The following UBR7 variants were observed in gnomAD, a reference collection of about 807,000 sequenced individuals.
The protein encoded by UBR7 is ubiquitin protein ligase E3 component n-recognin 7, also known as putative E3 ubiquitin-protein ligase UBR7.
UBR7 carries 22 observed loss-of-function variants against 57.0 expected under a neutral mutation model. The observed-to-expected ratio is 0.39, with a 90% CI of 0.28 to 0.55. The LOEUF (loss-of-function observed/expected upper bound fraction) is 0.55. Among genes scored for constraint, UBR7 ranks in the 20% least tolerant of loss-of-function variants. UBR7 has a pLI of 0.69. For missense variants in UBR7, 395 were observed against 513.2 expected, an observed-to-expected ratio of 0.77 and a Z score of 2.23; for synonymous variants, 167 against 179.8, an observed-to-expected ratio of 0.93 and a Z score of 0.57.
chr14:93,215,189 T>C lies in UBR7; in HGVS notation c.509T>C (p.Ile170Thr). 1 of 1,579,228 alleles carries C rather than the reference T, an allele frequency of 6.3e-7. No homozygotes were observed. Among genetic ancestry groups the C allele is most frequent in the Admixed American group, 1.8e-5 (1 of 54,170 alleles). Reference protein sequence around the residue: ...DWFHGRHLGAIPPESGDFQEM... With the variant: ...DWFHGRHLGATPPESGDFQEM... ...CTATATTCACAGCATCTTGGTGCCA[T>C]TCCCCCTGAGAGTGGGGATTTTCAG... The change falls in exon 6 of 11, where the codon ATT (isoleucine) becomes ACT (threonine). Residue 170 changes from isoleucine (I) to threonine (T), a missense_variant. Physicochemically the swap from Ile to Thr is moderately conservative, Grantham distance 89. Coordinates refer to ENST00000013070, the MANE Select transcript of UBR7 (RefSeq NM_175748.4).
At position 93,209,974 on chromosome 14, in the gene UBR7, G is replaced by A; in HGVS notation, c.284+17G>A. 1.2e-6 allele frequency: 2 copies of A among 1,613,274 alleles called. No homozygotes were observed. Among genetic ancestry groups the A allele is most frequent in the South Asian group, 2.2e-5 (2 of 91,040 alleles). On this transcript the variant is annotated intron_variant, in intron 2 of 10. Coordinates refer to ENST00000013070, the MANE Select transcript of UBR7 (RefSeq NM_175748.4). ...CACAAAAAGGTAAACATAGTCAAGA[G>A]ATTGTTACTAAATGCTTTTGAAGTA...
intron 2 of UBR7, among the ~76,000 whole-genome samples, chr14:93,210,287 G>A (rs1271454645): frequency 6.6e-6 from 1 of 152,192 alleles, no homozygotes; most frequent in African/African-American, 2.4e-5. Context: ...GTTTCACCGA[G>A]TTAGCCAGGA....
At chr14:93,226,564 G>A (rs1162825185) in intron 10 of UBR7, among the ~76,000 whole-genome samples, 1 of 152,208 alleles carries the variant, frequency 6.6e-6, no homozygotes, top group African/African-American at 2.4e-5. Context: ...GCCGAGGCAG[G>A]CGGATCATGA....
intron 10 of UBR7, among the ~76,000 whole-genome samples, chr14:93,226,499 G>A (rs911661401): frequency 6.6e-6 from 1 of 152,084 alleles, no homozygotes; most frequent in Non-Finnish European, 1.5e-5. Context: ...TTAAAAATTA[G>A]CCAGGCGTAG....
intron 3 of UBR7, among the ~76,000 whole-genome samples, chr14:93,210,923 G>C (rs976042631): frequency 6.6e-6 from 1 of 152,186 alleles, no homozygotes; most frequent in Admixed American, 6.5e-5. Context: ...AGGTTTGGGG[G>C]AGAGATGTAC....
chr14:93,228,649 C>T lies in UBR7; in HGVS notation c.*1614C>T, dbSNP rs1356937444. On this transcript the variant is annotated 3_prime_UTR_variant, in exon 11 of 11. Coordinates refer to ENST00000013070, the MANE Select transcript of UBR7 (RefSeq NM_175748.4). ...TGGTGAGCCCTGAGCTGGCCTTGTGCAGAGGGCTCCGTTCAAAGGCTCGGG... is the reference window on the plus strand; with the variant it reads ...TGGTGAGCCCTGAGCTGGCCTTGTGTAGAGGGCTCCGTTCAAAGGCTCGGG... The T allele has an allele frequency of 6.6e-6, 3 of 453,958 alleles. No individual in the cohort carries two copies. Among genetic ancestry groups the T allele is most frequent in the Non-Finnish European group, 1.3e-5 (3 of 226,788 alleles). 28.1% of individuals were successfully genotyped at this position (453,958 alleles called of 1,614,324 possible). A position where few individuals can be genotyped will look rare whatever the true frequency, so the allele number is the denominator to read the frequency against.
In UBR7 at chr14:93,216,273, T is replaced by C. The variant is rs1051594863; in HGVS notation, c.601+992T>C. Among the ~76,000 whole-genome samples, 10 of 152,312 alleles carry C rather than the reference T, an allele frequency of 6.6e-5. 1 individual carries two copies. The East Asian group carries it at 1.9e-3, about 29-fold the overall frequency. ...GTTGCCCAGGCTGGTCTTGAACTCC[T>C]GAGCTCAAGTGATCCACTCATCTTG... On this transcript the variant is annotated intron_variant, in intron 6 of 10. Transcript: ENST00000013070.
chr14:93,209,870 C>T lies in UBR7; in HGVS notation c.197C>T (p.Pro66Leu). The T allele has an allele frequency of 1.2e-6, 2 of 1,613,980 alleles. No homozygotes were observed. The highest frequency in any genetic ancestry group is 2.7e-5 in the African/African-American group (2 of 75,010). The part of the protein sequence containing the change: ...QALYACSTCT[P>L]EGEEPAGICL... ...CTATATGCCTGTAGTACCTGCACCCCAGAGGGAGAAGAACCAGCAGGAATT... is the reference window on the plus strand; with the variant it reads ...CTATATGCCTGTAGTACCTGCACCCTAGAGGGAGAAGAACCAGCAGGAATT... Residue 66 changes from proline to leucine, a missense_variant, in exon 2 of 11, where the codon CCA becomes CTA. Coordinates refer to ENST00000013070, the MANE Select transcript of UBR7 (RefSeq NM_175748.4).
chr14:93,221,105 C>T (rs998115521), intron 9 of UBR7, among the ~76,000 whole-genome samples: 1 of 150,586 alleles, frequency 6.6e-6, no homozygotes, highest in Non-Finnish European at 1.5e-5. Context: ...GCCACTGCGC[C>T]CCCCCAATTT....
Position 93,207,326 on chromosome 14 carries a change from C to A in UBR7, c.35C>A (p.Ser12Ter). The A allele has an allele frequency of 6.4e-7, 1 of 1,558,654 alleles. No individual in the cohort carries two copies. The highest frequency in any genetic ancestry group is 8.7e-7 in the Non-Finnish European group (1 of 1,150,938). The part of the protein sequence containing the change: ...AGAEGAAGRQ[S>*]ELEPVVSLVD... ...GCCGAGGGCGCCGCTGGGCGGCAGTCGGAGCTGGAGCCCGTGGTATCGTTG... is the reference window on the plus strand; with the variant it reads ...GCCGAGGGCGCCGCTGGGCGGCAGTAGGAGCTGGAGCCCGTGGTATCGTTG... Residue 12 changes from serine to a stop codon, truncating the protein, a stop_gained, in exon 1 of 11, where the codon TCG becomes TAG. Coordinates refer to ENST00000013070, the MANE Select transcript of UBR7 (RefSeq NM_175748.4). LOFTEE classifies it high-confidence loss of function.
At chr14:93,209,989 C>T in intron 2 of UBR7, 32 bp downstream of exon 2, 1 of 1,610,658 alleles carries the variant, frequency 6.2e-7, no homozygotes, top group East Asian at 2.2e-5. Flanking sequence ...TTACTAAATG[C>T]TTTTGAAGTA....
At chr14:93,207,547 G>C in intron 1 of UBR7, 106 bp downstream of exon 1, 1 of 1,396,614 alleles carries the variant, frequency 7.2e-7, no homozygotes, top group Non-Finnish European at 9.4e-7. Context: ...CCCCAGTGGT[G>C]GTCCGGGGCC....
chr14:93,218,683 T>C lies in UBR7; in HGVS notation c.758T>C (p.Val253Ala). 1.9e-6 allele frequency: 3 copies of C among 1,614,120 alleles called. No individual in the cohort carries two copies. Among genetic ancestry groups the C allele is most frequent in the Non-Finnish European group, 1.7e-6 (2 of 1,180,028 alleles). ...QGKDDVREVKVEQNSEPCAGS... is the reference protein window; with the variant it reads ...QGKDDVREVKAEQNSEPCAGS... ...AAGGATGATGTCCGGGAGGTTAAAG[T>C]AGAGCAGAACAGTGAACCATGTGCC... Residue 253 changes from valine to alanine, a missense_variant, in exon 7 of 11, where the codon GTA becomes GCA. Val to Ala is a moderately conservative substitution (Grantham distance 64, BLOSUM62 0). Coordinates refer to ENST00000013070, the MANE Select transcript of UBR7 (RefSeq NM_175748.4).
rs1228377378 is a variant in UBR7 at position 93,207,261 on chromosome 14, G to A, written c.-31G>A. The A allele has an allele frequency of 6.5e-7, 1 of 1,549,654 alleles. No homozygotes were observed. Among genetic ancestry groups the A allele is most frequent in the Non-Finnish European group, 8.7e-7 (1 of 1,147,136 alleles). ...CGGCCGCTTTTCCCGCCTCCGCCGG[G>A]GCCGAGCCGCTGTTCGGCTGACAGT... On this transcript the variant is annotated 5_prime_UTR_variant, in exon 1 of 11. Coordinates refer to ENST00000013070, the MANE Select transcript of UBR7 (RefSeq NM_175748.4).
chr14:93,210,788 C>T (rs1894466642), intron 3 of UBR7, 80 bp downstream of exon 3: 2 of 1,189,268 alleles, frequency 1.7e-6, no homozygotes, highest in Admixed American at 2.2e-5. Context: ...AAACAAATAC[C>T]TGTATTTTCC....
At chr14:93,220,792 C>T (rs1427956168) in intron 9 of UBR7, among the ~76,000 whole-genome samples, 5 of 148,164 alleles carry the variant, frequency 3.4e-5, no homozygotes, top group Non-Finnish European at 7.4e-5. Flanking sequence ...GAGAAAATAC[C>T]CCCAAACCCT....
At chr14:93,212,671 A>G (rs1238290919) in intron 4 of UBR7, among the ~76,000 whole-genome samples, 1 of 152,200 alleles carries the variant, frequency 6.6e-6, no homozygotes, top group African/African-American at 2.4e-5. Context: ...TTCTATTAAC[A>G]GAAGTGAAAA....
In UBR7 at chr14:93,223,616, C is replaced by T. The variant is rs1017131491; in HGVS notation, c.1185+1242C>T. On this transcript the variant is annotated intron_variant, in intron 10 of 10. Transcript: ENST00000013070. ...CCTGCCCCTAGAAGAACGTGTTGGG[C>T]CTCTTGGTGGTGAAGCGTGGCTTGG... 16 of 1,292,586 alleles carry T rather than the reference C, an allele frequency of 1.2e-5. No homozygotes were observed. The African/African-American group carries it at 2.1e-4, about 17-fold the overall frequency. 80.1% of individuals were successfully genotyped at this position (1,292,586 alleles called of 1,614,324 possible). A position where few individuals can be genotyped will look rare whatever the true frequency, so the allele number is the denominator to read the frequency against.
At chr14:93,213,970 A>G (rs904823997) in intron 4 of UBR7, among the ~76,000 whole-genome samples, 2 of 151,924 alleles carry the variant, frequency 1.3e-5, no homozygotes, top group African/African-American at 4.8e-5. Context: ...TCTGTCACCC[A>G]GGCTGGAGTA....
Sources: gnomAD v4.1 joint callset for allele counts (sites outside exome capture counted in the v4.1 genomes callset) on GRCh38, gnomAD v4.1.1 for gene constraint, MANE v1.5 for transcripts, NCBI Gene and HGNC (gene_info 2026-07-23, HGNC 2026-07-21) for gene names.